The following LANCL2 variants were observed in gnomAD, a reference collection of about 807,000 sequenced individuals.
LANCL2 encodes the protein LanC like glutathione S-transferase 2, also known as lanC-like protein 2.
In LANCL2, 33 loss-of-function variants were observed where a neutral mutation model predicts 56.9. The ratio of observed to expected loss-of-function variants is 0.58; its 90% confidence interval spans 0.44 to 0.78. The LOEUF is 0.78. LANCL2 is among the 30% of genes least tolerant of loss of function. The probability of loss-of-function intolerance (pLI) is 0.00; values close to 1 mark genes in which losing one functional copy is unlikely to be tolerated. For missense variants in LANCL2, 562 were observed against 580.2 expected, an observed-to-expected ratio of 0.97 and a Z score of 0.32; for synonymous variants, 233 against 228.2, an observed-to-expected ratio of 1.02 and a Z score of -0.19.
chr7:55,425,469 C>T (rs764814555), intron 7 of LANCL2, 39 bp downstream of exon 7: 10 of 1,583,728 alleles, frequency 6.3e-6, no homozygotes, highest in Middle Eastern at 1.7e-4. Flanking sequence ...TGAACAACCC[C>T]GAGTGTGCAC....
At chr7:55,406,527 C>A (rs1488507981) in intron 5 of LANCL2, among the ~76,000 whole-genome samples, 1 of 152,164 alleles carries the variant, frequency 6.6e-6, no homozygotes, top group African/African-American at 2.4e-5. Flanking sequence ...CTTAGCCTGT[C>A]ATGACTGGGA....
At chr7:55,414,992 AAAAAAAAAAG>A (rs1790510273) in intron 6 of LANCL2, among the ~76,000 whole-genome samples, 1 of 145,614 alleles carries the variant, frequency 6.9e-6, no homozygotes, top group African/African-American at 2.6e-5. Context: ...TCAAAAAAAA[AAAAAAAAAAG>A]AAAAGAAAAG....
At chr7:55,399,026 C>T (rs1304872964) in intron 3 of LANCL2, among the ~76,000 whole-genome samples, 1 of 152,150 alleles carries the variant, frequency 6.6e-6, no homozygotes, top group Non-Finnish European at 1.5e-5. Context: ...TATTGGTTTA[C>T]GTTCTTCCTT....
In LANCL2 at chr7:55,401,747, C is replaced by A. The variant is rs1462909551; in HGVS notation, c.825+427C>A. On this transcript the variant is annotated intron_variant, in intron 5 of 8. Transcript: ENST00000254770. ...ATTAGGGAGTGGTGATGACTCTTAA[C>A]GAGCATGCTGCCTTCAAGCATCTTG... 7.2e-5 allele frequency among the ~76,000 whole-genome samples: 9 copies of A among 125,342 alleles called. No homozygotes were observed. The East Asian group carries it at 1.7e-3, about 23-fold the overall frequency. The allele number at this position is 125,342 out of a possible 152,430, so 82.2% of individuals were successfully genotyped here.
intron 2 of LANCL2, among the ~76,000 whole-genome samples, chr7:55,396,485 G>C (rs1790254181): frequency 6.6e-6 from 1 of 152,238 alleles, no homozygotes; most frequent in South Asian, 2.1e-4. Context: ...GAGATGATCA[G>C]CTGCAGCTTC....
intron 1 of LANCL2, among the ~76,000 whole-genome samples, chr7:55,391,107 C>A (rs1300661094): frequency 6.6e-6 from 1 of 150,664 alleles, no homozygotes; most frequent in Non-Finnish European, 1.5e-5. Flanking sequence ...AGCTCCGCCT[C>A]CCGGGTTCAC....
At chr7:55,376,910 A>G (rs1248663496) in intron 1 of LANCL2, among the ~76,000 whole-genome samples, 1 of 152,218 alleles carries the variant, frequency 6.6e-6, no homozygotes, top group Non-Finnish European at 1.5e-5. Flanking sequence ...TTTGCTAATC[A>G]TCTACATTTT....
intron 6 of LANCL2, among the ~76,000 whole-genome samples, chr7:55,417,240 A>G (rs1407420084): frequency 6.6e-6 from 1 of 151,702 alleles, no homozygotes; most frequent in African/African-American, 2.4e-5. Flanking sequence ...CGGCCTCCCA[A>G]AGTGCTGGGA....
intron 2 of LANCL2, among the ~76,000 whole-genome samples, chr7:55,392,657 C>A (rs187943864): frequency 1.3e-5 from 2 of 152,220 alleles, no homozygotes; most frequent in Admixed American, 6.5e-5. Context: ...TGATTTTATA[C>A]CTTTTAATTG....
At chr7:55,403,436 A>AGG (rs1384389108) in intron 5 of LANCL2, among the ~76,000 whole-genome samples, 2 of 142,892 alleles carry the variant, frequency 1.4e-5, no homozygotes, top group African/African-American at 5.9e-5. Context: ...GACCGTGGAA[A>AGG]GAGAGGGAGA....
intron 3 of LANCL2, among the ~76,000 whole-genome samples, chr7:55,399,254 C>T (rs529064648): frequency 7.1e-6 from 1 of 141,198 alleles, no homozygotes; most frequent in African/African-American, 2.7e-5. Context: ...GCCAGGGCAA[C>T]AGAGCAAGAC....
chr7:55,381,555 A>G (rs1032727075), intron 1 of LANCL2, among the ~76,000 whole-genome samples: 4 of 152,240 alleles, frequency 2.6e-5, no homozygotes, highest in Non-Finnish European at 5.9e-5. Context: ...CAGTGTACAA[A>G]TTAACATTCC....
chr7:55,374,981 G>A lies in LANCL2; in HGVS notation c.204+8752G>A, dbSNP rs139438058. 1.6e-4 allele frequency among the ~76,000 whole-genome samples: 25 copies of A among 152,318 alleles called. No homozygotes were observed. The East Asian group carries it at 4.6e-3, about 28-fold the overall frequency. ...TATCAAGAGGATTAAGTTAGATTAA[G>A]TGTCTCAAATACCCCATTTATTAGG... On this transcript the variant is annotated intron_variant, in intron 1 of 8. Coordinates refer to ENST00000254770, the MANE Select transcript of LANCL2 (RefSeq NM_018697.4).
At chr7:55,409,792 A>C (rs1313729012) in intron 5 of LANCL2, among the ~76,000 whole-genome samples, 1 of 152,166 alleles carries the variant, frequency 6.6e-6, no homozygotes, top group African/African-American at 2.4e-5. Context: ...GTGGGTATGA[A>C]AAAGCTTAGG....
intron 4 of LANCL2, 39 bp downstream of exon 4, chr7:55,400,143 T>A: frequency 6.8e-7 from 1 of 1,462,666 alleles, no homozygotes; most frequent in Non-Finnish European, 9.2e-7. Flanking sequence ...GTCTCTACCA[T>A]TCAAACCTAT....
At chr7:55,367,436 C>G (rs1009212427) in intron 1 of LANCL2, among the ~76,000 whole-genome samples, 3 of 152,212 alleles carry the variant, frequency 2.0e-5, no homozygotes, top group African/African-American at 7.2e-5. Flanking sequence ...GTTAAAAACT[C>G]GAAACAGGCC....
chr7:55,366,440 C>T (rs1583736868), intron 1 of LANCL2, among the ~76,000 whole-genome samples: 2 of 152,246 alleles, frequency 1.3e-5, no homozygotes, highest in African/African-American at 2.4e-5. Flanking sequence ...CAGTTCGGCC[C>T]TCCTGGCCCC....
In LANCL2 at chr7:55,383,585, G is replaced by T. The variant is rs78938645; in HGVS notation, c.205-8208G>T. ...ACTTGCTAGCCTAGCCCTTCAAGCC[G>T]TTTTTCTGCTAGAAAATAAACATTT... On this transcript the variant is annotated intron_variant, in intron 1 of 8. Transcript: ENST00000254770. 1.2e-3 allele frequency among the ~76,000 whole-genome samples: 178 copies of T among 152,222 alleles called. 1 individual carries two copies. Among genetic ancestry groups the T allele is most frequent in the African/African-American group, 3.9e-3 (164 of 41,528 alleles).
intron 2 of LANCL2, among the ~76,000 whole-genome samples, chr7:55,395,402 G>T (rs1790239051): frequency 6.6e-6 from 1 of 152,110 alleles, no homozygotes; most frequent in African/African-American, 2.4e-5. Context: ...TGGCTAGACA[G>T]TAAGAGCATG....
Sources: allele counts gnomAD v4.1 joint callset (sites outside exome capture counted in the v4.1 genomes callset), GRCh38; gene constraint gnomAD v4.1.1; transcripts MANE v1.5; gene names NCBI Gene and HGNC (gene_info 2026-07-23, HGNC 2026-07-21).